MCRIP1: variants seen among roughly 807,000 people sequenced by gnomAD.
MCRIP1 encodes MAPK regulated corepressor interacting protein 1.
Under a neutral mutation model 14.4 loss-of-function variants are expected in MCRIP1, and 10 were observed. The ratio of observed to expected loss-of-function variants is 0.70; its 90% CI spans 0.43 to 1.18. The LOEUF is 1.18. MCRIP1 is among the 50% of genes most tolerant of loss of function. The probability of loss-of-function intolerance (pLI) is 0.00; values close to 1 mark genes in which losing one functional copy is unlikely to be tolerated. For missense variants in MCRIP1, 119 were observed against 135.4 expected (o/e 0.88, Z 0.60); for synonymous variants, 53 against 55.7 (o/e 0.95, Z 0.21).
At chr17:81,830,860 TA>T (rs34075802) in intron 1 of MCRIP1, among the ~76,000 whole-genome samples, 4,947 of 135,086 alleles carry the variant, frequency 0.037, 204 homozygotes, top group African/African-American at 0.11. Context: ...CCATTGCTAC[TA>T]AAAAAAAAAA....
At chr17:81,826,609 C>T in intron 1 of MCRIP1, 1 of 527,290 alleles carries the variant, frequency 1.9e-6, no homozygotes, top group Non-Finnish European at 3.3e-6. Context: ...CAGCTGAGGT[C>T]AGGAGTTTGA....
chr17:81,829,433 A>G (rs1475287736), intron 1 of MCRIP1, among the ~76,000 whole-genome samples: 1 of 152,266 alleles, frequency 6.6e-6, no homozygotes, highest in African/African-American at 2.4e-5. Flanking sequence ...TCTTTCTGTC[A>G]GAATCAAGAC....
At chr17:81,826,775 G>A (rs1370207905) in intron 1 of MCRIP1, 30 of 157,892 alleles carry the variant, frequency 1.9e-4, no homozygotes, top group Admixed American at 1.3e-3. Context: ...CCAAGATCGC[G>A]CCAACGCACT....
chr17:81,826,144 T>C (rs1018411976), intron 1 of MCRIP1: 3 of 1,488,918 alleles, frequency 2.0e-6, no homozygotes, highest in Non-Finnish European at 2.7e-6. Flanking sequence ...TGGGTTCGGT[T>C]GTCACTCCTG....
In MCRIP1 at chr17:81,823,611, C is replaced by T. The variant is rs999768130; in HGVS notation, c.128-98G>A. 8 of 974,498 alleles carry T rather than the reference C, an allele frequency of 8.2e-6. No individual in the cohort carries two copies. The Admixed American group carries it at 1.7e-4, about 20-fold the overall frequency. The allele number at this position is 974,498 out of a possible 1,614,324, so 60.4% of individuals were successfully genotyped here. On this transcript the variant is annotated intron_variant, in intron 3 of 4. Transcript: ENST00000455127. The surrounding 1 kb of genome is among the most constrained non-coding windows in gnomAD (Gnocchi z 6.0). Reference sequence around the variant, plus strand: ...GCCCTCAGCTCCTGCCCTCCCAGATCCTCTTCTCCCTCAGAAGTGTCCTCC... The same window carrying T: ...GCCCTCAGCTCCTGCCCTCCCAGATTCTCTTCTCCCTCAGAAGTGTCCTCC...
intron 1 of MCRIP1, 149 bp downstream of exon 1, chr17:81,833,089 C>G (rs2038554876): frequency 6.7e-6 from 1 of 148,562 alleles, no homozygotes; most frequent in Admixed American, 6.7e-5. Flanking sequence ...GCCCCTCCCT[C>G]GGACCCCGGC....
intron 1 of MCRIP1, among the ~76,000 whole-genome samples, chr17:81,828,197 G>A (rs1001975523): frequency 2.0e-5 from 3 of 152,024 alleles, no homozygotes; most frequent in Non-Finnish European, 2.9e-5. Flanking sequence ...TCCCAGACAC[G>A]AAGAGCCCTT....
intron 1 of MCRIP1, chr17:81,824,932 C>G (rs2038357912): frequency 8.8e-7 from 1 of 1,137,906 alleles, no homozygotes; most frequent in Admixed American, 4.5e-5. Context: ...CTCTGATGTC[C>G]AGCTGCCTCT....
At chr17:81,828,730 G>C (rs1351192524) in intron 1 of MCRIP1, among the ~76,000 whole-genome samples, 1 of 152,208 alleles carries the variant, frequency 6.6e-6, no homozygotes, top group Non-Finnish European at 1.5e-5. Flanking sequence ...ATGGGAGGAA[G>C]CTGCAGAGGG....
intron 1 of MCRIP1, among the ~76,000 whole-genome samples, chr17:81,828,153 A>G (rs1399450839): frequency 2.0e-5 from 3 of 151,852 alleles, no homozygotes; most frequent in African/African-American, 7.3e-5. Context: ...ATGTACCCAC[A>G]CCCTCAATAC....
At chr17:81,826,224 T>TGCAC (rs1567825543) in intron 1 of MCRIP1, 3 of 1,517,662 alleles carry the variant, frequency 2.0e-6, no homozygotes, top group East Asian at 2.5e-5. Context: ...TTGCCTTGTG[T>TGCAC]GCACACACAC....
intron 1 of MCRIP1, chr17:81,826,360 A>G: frequency 6.5e-7 from 1 of 1,535,638 alleles, no homozygotes; most frequent in South Asian, 1.2e-5. Flanking sequence ...CACATGCGGC[A>G]CACACCCATA....
intron 1 of MCRIP1, chr17:81,825,025 G>A (rs748040394): frequency 9.8e-7 from 1 of 1,022,832 alleles, no homozygotes; most frequent in Non-Finnish European, 1.2e-6. Flanking sequence ...CTTCTGCTGA[G>A]CCTTGATTTC....
intron 1 of MCRIP1, chr17:81,825,975 C>A (rs1479508745): frequency 7.5e-7 from 1 of 1,327,796 alleles, no homozygotes; most frequent in Non-Finnish European, 9.9e-7. Context: ...CAGCCCCCTG[C>A]CTCGCCCCCT....
intron 1 of MCRIP1, among the ~76,000 whole-genome samples, chr17:81,829,785 AC>A (rs1172096370): frequency 6.6e-6 from 1 of 151,286 alleles, no homozygotes; most frequent in Non-Finnish European, 1.5e-5. Context: ...ACGCCACCCC[AC>A]CCCACCCAGT....
At chr17:81,824,191 G>A in intron 3 of MCRIP1, 96 bp downstream of exon 3, 1 of 976,560 alleles carries the variant, frequency 1.0e-6, no homozygotes, top group South Asian at 1.4e-5. Context: ...AGGGGCAGGG[G>A]CCGCAGGAGG....
At chr17:81,825,172 T>A in intron 1 of MCRIP1, 1 of 1,037,268 alleles carries the variant, frequency 9.6e-7, no homozygotes, top group Non-Finnish European at 1.2e-6. Flanking sequence ...GCTCCCCTGG[T>A]GGGCAGAGGG....
rs571767990 is a variant in MCRIP1, at chr17:81,823,395, G to A, written c.229+17C>T. 50 of 1,536,362 alleles carry A rather than the reference G, an allele frequency of 3.3e-5. No homozygotes were observed. In the East Asian group the frequency reaches 1.1e-3, roughly 33 times the overall value. On this transcript the variant is annotated intron_variant, in intron 4 of 4. Coordinates refer to ENST00000455127, the MANE Select transcript of MCRIP1 (RefSeq NM_207368.5). This position sits in a 1 kb window ranked among gnomAD's most constrained non-coding sequence, Gnocchi z 6.0. ...GCCTGCCGGCCCAGCCCTGCCCCCA[G>A]GTCAGCCCCCACTCACTCTTCAGGC...
intron 1 of MCRIP1, among the ~76,000 whole-genome samples, chr17:81,828,072 AC>A (rs2038446497): frequency 6.6e-6 from 1 of 151,626 alleles, no homozygotes; most frequent in African/African-American, 2.4e-5. Flanking sequence ...GAGCTACCAC[AC>A]CCAGCTGCAC....
Sources: gnomAD v4.1 joint callset for allele counts (sites outside exome capture counted in the v4.1 genomes callset) on GRCh38, gnomAD v4.1.1 for gene constraint, Gnocchi (gnomAD v3.1) non-coding constraint, MANE v1.5 for transcripts, NCBI Gene and HGNC (gene_info 2026-07-23, HGNC 2026-07-21) for gene names.